Variants in ARHGAP26 observed in about 807,000 individuals in gnomAD.
The protein encoded by ARHGAP26 is rho GTPase-activating protein 26.
A neutral mutation model predicts 104.8 loss-of-function variants in ARHGAP26; 38 were observed. That is an observed-to-expected ratio of 0.36 (90% CI 0.28 to 0.48). The LOEUF (loss-of-function observed/expected upper bound fraction) is 0.48, where lower values mean the gene tolerates loss of function less well. ARHGAP26 is among the 20% of genes least tolerant of loss of function. ARHGAP26 has a pLI of 0.99. For synonymous variants in ARHGAP26, 341 were observed against 340.0 expected (o/e 1.00, Z -0.03); for missense variants, 704 against 947.9 (o/e 0.74, Z 3.38).
intron 1 of ARHGAP26, among the ~76,000 whole-genome samples, chr5:142,797,447 C>T (rs532893118): frequency 1.3e-5 from 2 of 152,272 alleles, no homozygotes; most frequent in Non-Finnish European, 2.9e-5. Context: ...GTGACTGACT[C>T]AAGGATTTGT....
At chr5:143,171,987 A>G (rs1282270535) in intron 20 of ARHGAP26, among the ~76,000 whole-genome samples, 1 of 152,168 alleles carries the variant, frequency 6.6e-6, no homozygotes, top group East Asian at 1.9e-4. Context: ...ACTGGTTTCA[A>G]TAGATTTATT....
chr5:143,185,697 C>T (rs994285860), intron 20 of ARHGAP26, among the ~76,000 whole-genome samples: 2 of 152,220 alleles, frequency 1.3e-5, no homozygotes, highest in South Asian at 4.1e-4. Flanking sequence ...TTTCTGTTTA[C>T]CAGACACGGT....
intron 1 of ARHGAP26, among the ~76,000 whole-genome samples, chr5:142,790,725 G>A (rs1245857093): frequency 6.6e-6 from 1 of 151,984 alleles, no homozygotes; most frequent in Non-Finnish European, 1.5e-5. Flanking sequence ...GCACTTTCCC[G>A]CCACCTTCTC....
chr5:142,916,881 A>G (rs533148209), intron 10 of ARHGAP26, among the ~76,000 whole-genome samples: 48 of 152,208 alleles, frequency 3.2e-4, no homozygotes, highest in African/African-American at 1.2e-3. Flanking sequence ...TGTCATCCTC[A>G]CTACAACCCA....
intron 12 of ARHGAP26, among the ~76,000 whole-genome samples, chr5:143,033,248 A>G (rs1782149247): frequency 6.6e-6 from 1 of 152,244 alleles, no homozygotes; most frequent in African/African-American, 2.4e-5. Flanking sequence ...CAAGAAAAGG[A>G]GTTTGCTGGT....
chr5:143,122,755 GGATT>G (rs1302393507), intron 18 of ARHGAP26, among the ~76,000 whole-genome samples: 1 of 152,154 alleles, frequency 6.6e-6, no homozygotes, highest in Non-Finnish European at 1.5e-5. Flanking sequence ...GCCTGTTTGG[GGATT>G]TGCCTGTTAT....
At chr5:143,037,985 T>C (rs1782899138) in intron 13 of ARHGAP26, among the ~76,000 whole-genome samples, 8 of 152,210 alleles carry the variant, frequency 5.3e-5, no homozygotes, top group Admixed American at 5.2e-4. Flanking sequence ...GGCTGGTTCA[T>C]CCTGATGGTC....
chr5:143,108,246 T>A (rs1325185771), intron 17 of ARHGAP26, among the ~76,000 whole-genome samples: 1 of 152,232 alleles, frequency 6.6e-6, no homozygotes, highest in Non-Finnish European at 1.5e-5. Context: ...CCTTTTTCAG[T>A]GGATTCCATT....
intron 1 of ARHGAP26, among the ~76,000 whole-genome samples, chr5:142,805,264 G>A (rs1361395789): frequency 1.3e-5 from 2 of 151,880 alleles, no homozygotes; most frequent in African/African-American, 2.4e-5. Context: ...CACCACACCT[G>A]GCTAATTTTG....
At position 142,770,725 on chromosome 5, in the gene ARHGAP26, G is replaced by T. The variant is rs775334940; in HGVS notation, c.-37G>T. The T allele has an allele frequency of 2.6e-5, 31 of 1,193,002 alleles. No homozygotes were observed. The South Asian group carries it at 9.6e-4, about 37-fold the overall frequency. The allele number at this position is 1,193,002 out of a possible 1,614,324, so 73.9% of individuals were successfully genotyped here. ...TGGGCGGCGGGCGGCCCGGGCCCCG[G>T]CGGAGGCGCGCCCCCCGGCTGGGCG... On this transcript the variant is annotated 5_prime_UTR_variant, in exon 1 of 23. Transcript: ENST00000645722.
chr5:142,985,133 A>G (rs1774486229), intron 11 of ARHGAP26, among the ~76,000 whole-genome samples: 1 of 152,192 alleles, frequency 6.6e-6, no homozygotes, highest in Admixed American at 6.5e-5. Flanking sequence ...TGGTTTTTTA[A>G]CAAAAATAGC....
At chr5:142,882,516 G>T (rs1757147854) in intron 4 of ARHGAP26, among the ~76,000 whole-genome samples, 1 of 152,206 alleles carries the variant, frequency 6.6e-6, no homozygotes, top group African/African-American at 2.4e-5. Flanking sequence ...AGTAGCTGGG[G>T]TGAAAGACAT....
At chr5:142,851,384 G>T (rs2436380) in intron 1 of ARHGAP26, among the ~76,000 whole-genome samples, 16,307 of 152,238 alleles carry the variant, frequency 0.11, 1,432 homozygotes, top group East Asian at 0.49. Flanking sequence ...GGCGTGAGCC[G>T]CTGCGCCCAG....
intron 11 of ARHGAP26, among the ~76,000 whole-genome samples, chr5:142,991,201 T>C (rs1775561470): frequency 6.6e-6 from 1 of 152,228 alleles, no homozygotes; most frequent in African/African-American, 2.4e-5. Context: ...GCCTTGCAGT[T>C]CGATCTCAGA....
intron 11 of ARHGAP26, among the ~76,000 whole-genome samples, chr5:142,967,683 G>C (rs888834370): frequency 6.6e-6 from 1 of 152,190 alleles, no homozygotes; most frequent in Admixed American, 6.5e-5. Flanking sequence ...AATAAGGTAA[G>C]ATAGGTGGGA....
At chr5:143,084,814 A>T (rs1790320210) in intron 17 of ARHGAP26, among the ~76,000 whole-genome samples, 1 of 152,040 alleles carries the variant, frequency 6.6e-6, no homozygotes, top group Non-Finnish European at 1.5e-5. Flanking sequence ...GGTGAGGCCG[A>T]GGTGGAAAGA....
intron 11 of ARHGAP26, among the ~76,000 whole-genome samples, chr5:142,977,590 T>C (rs1415595691): frequency 6.6e-6 from 1 of 151,974 alleles, no homozygotes; most frequent in Non-Finnish European, 1.5e-5. Flanking sequence ...AGTCTTTGCG[T>C]TGAACTCAGC....
chr5:142,913,623 A>C (rs952305831), intron 10 of ARHGAP26, among the ~76,000 whole-genome samples: 2 of 152,204 alleles, frequency 1.3e-5, no homozygotes, highest in African/African-American at 4.8e-5. Flanking sequence ...TGAGTAGTAG[A>C]CTTTTAAAGA....
chr5:143,154,533 G>C (rs1013806188), intron 20 of ARHGAP26, among the ~76,000 whole-genome samples: 1 of 152,110 alleles, frequency 6.6e-6, no homozygotes, highest in East Asian at 1.9e-4. Flanking sequence ...TATTTTTCCT[G>C]TGCAGAGAAA....
Sources: allele counts gnomAD v4.1 joint callset (sites outside exome capture counted in the v4.1 genomes callset), GRCh38; gene constraint gnomAD v4.1.1; transcripts MANE v1.5; gene names NCBI Gene and HGNC (gene_info 2026-07-23, HGNC 2026-07-21).